Variants in PCDH15 observed in about 807,000 individuals in gnomAD.
PCDH15 encodes protocadherin-15.
Under a neutral mutation model 178.5 loss-of-function variants are expected in PCDH15, and 129 were observed. The observed-to-expected ratio is 0.72, with a 90% CI of 0.63 to 0.84. The LOEUF is 0.84. PCDH15 is among the 40% of genes least tolerant of loss of function. PCDH15 has a pLI of 0.00. For synonymous variants in PCDH15, 800 were observed against 732.0 expected (o/e 1.09, Z -1.50); for missense variants, 2,230 against 2,099.9 (o/e 1.06, Z -1.21).
At chr10:55,551,500 T>C (rs1022491388) in intron 2 of PCDH15, among the ~76,000 whole-genome samples, 6 of 151,868 alleles carry the variant, frequency 4.0e-5, no homozygotes, top group African/African-American at 1.4e-4. Flanking sequence ...TAAGTAGTAA[T>C]TTGTCAATTT....
chr10:55,241,740 G>A (rs1841547809), intron 1 of PCDH15, among the ~76,000 whole-genome samples: 2 of 151,980 alleles, frequency 1.3e-5, no homozygotes, highest in Admixed American at 1.3e-4. Context: ...TTAATTTCTG[G>A]ACCTTCTCAT....
intron 2 of PCDH15, among the ~76,000 whole-genome samples, chr10:55,546,849 A>C (rs182571737): frequency 1.3e-5 from 2 of 152,282 alleles, no homozygotes; most frequent in African/African-American, 2.4e-5. Flanking sequence ...AATAACAAGA[A>C]AATTTTTGGG....
chr10:55,249,837 G>GT (rs1841787310), intron 1 of PCDH15, among the ~76,000 whole-genome samples: 1 of 151,674 alleles, frequency 6.6e-6, no homozygotes, highest in Non-Finnish European at 1.5e-5. Context: ...ATTATGTCAT[G>GT]TTTTTTCTGG....
intron 6 of PCDH15, among the ~76,000 whole-genome samples, chr10:54,343,763 T>G (rs2134119920): frequency 6.6e-6 from 1 of 151,930 alleles, no homozygotes; most frequent in Admixed American, 6.6e-5. Flanking sequence ...ACCCGCACGT[T>G]GTGCACATGT....
intron 2 of PCDH15, among the ~76,000 whole-genome samples, chr10:54,640,207 A>G (rs2093958150): frequency 6.6e-6 from 1 of 152,194 alleles, no homozygotes; most frequent in African/African-American, 2.4e-5. Context: ...GTTATTTTGC[A>G]TATTTAAACA....
chr10:55,360,009 AT>A (rs1845190251), intron 2 of PCDH15, among the ~76,000 whole-genome samples: 1 of 151,806 alleles, frequency 6.6e-6, no homozygotes, highest in Admixed American at 6.6e-5. Context: ...ATGAAGACAC[AT>A]TGGTTAAAGG....
At chr10:54,754,630 CATT>C (rs1277311239) in intron 1 of PCDH15, among the ~76,000 whole-genome samples, 5 of 151,928 alleles carry the variant, frequency 3.3e-5, no homozygotes, top group Non-Finnish European at 5.9e-5. Context: ...TAATTATTAT[CATT>C]ATTTTTTCAA....
chr10:54,664,909 TAAA>T (rs759609948), intron 1 of PCDH15, among the ~76,000 whole-genome samples: 15 of 126,288 alleles, frequency 1.2e-4, no homozygotes, highest in Admixed American at 3.3e-4. Flanking sequence ...CCCAGCAAGT[TAAA>T]AAAAAAAAAA....
At chr10:54,846,455 T>A (rs544096706) in intron 3 of PCDH15, among the ~76,000 whole-genome samples, 1 of 152,270 alleles carries the variant, frequency 6.6e-6, no homozygotes, top group South Asian at 2.1e-4. Context: ...TCTTTTATAT[T>A]AGGGCCTGAT....
At chr10:53,820,126 A>G (rs983048232) in intron 33 of PCDH15, 39 bp downstream of exon 33, 7 of 397,104 alleles carry the variant, frequency 1.8e-5, no homozygotes, top group African/African-American at 1.4e-4. Flanking sequence ...AGCTTAGAAA[A>G]GACACACTCA....
intron 37 of PCDH15, chr10:53,808,396 T>A: frequency 9.4e-7 from 1 of 1,068,270 alleles, no homozygotes; most frequent in Non-Finnish European, 1.1e-6. Context: ...TAATACATAA[T>A]GCCACATTGC....
chr10:55,157,217 C>G (rs1425790771), intron 2 of PCDH15, among the ~76,000 whole-genome samples: 2 of 152,030 alleles, frequency 1.3e-5, no homozygotes, highest in Admixed American at 1.3e-4. Context: ...CTCATCATCA[C>G]TGGCCATCAG....
chr10:54,893,302 AC>A (rs1954494633), intron 3 of PCDH15, among the ~76,000 whole-genome samples: 1 of 152,274 alleles, frequency 6.6e-6, no homozygotes, highest in South Asian at 2.1e-4. Flanking sequence ...ATTATAATGC[AC>A]TGAAAATGAG....
intron 23 of PCDH15, among the ~76,000 whole-genome samples, chr10:53,954,130 G>C (rs947230470): frequency 6.6e-6 from 1 of 152,168 alleles, no homozygotes; most frequent in Non-Finnish European, 1.5e-5. Context: ...CAGAGGCAGA[G>C]CATGATTAAC....
At chr10:54,948,155 G>A (rs1838237822) in intron 2 of PCDH15, among the ~76,000 whole-genome samples, 2 of 151,926 alleles carry the variant, frequency 1.3e-5, no homozygotes, top group African/African-American at 4.8e-5. Context: ...TGTAGCATAT[G>A]CAAGTTGATT....
chr10:55,374,799 C>T (rs553072536), intron 2 of PCDH15, among the ~76,000 whole-genome samples: 20 of 151,866 alleles, frequency 1.3e-4, no homozygotes, highest in African/African-American at 3.4e-4. Flanking sequence ...GAGTGATGCA[C>T]GGCAGCCATT....
At chr10:53,959,325 C>A (rs1361344021) in intron 23 of PCDH15, among the ~76,000 whole-genome samples, 1 of 151,348 alleles carries the variant, frequency 6.6e-6, no homozygotes, top group Admixed American at 6.6e-5. Context: ...CACACATACA[C>A]ACATACACAC....
At chr10:54,243,501 A>C (rs146013510) in intron 8 of PCDH15, among the ~76,000 whole-genome samples, 8,188 of 152,118 alleles carry the variant, frequency 0.054, 576 homozygotes, top group African/African-American at 0.16. Flanking sequence ...AGCAAGACTC[A>C]GCGTCAAAAA....
rs71007805 is a variant in PCDH15, at chr10:54,049,624, A to ATTT, written c.2220+17130_2220+17132dup. The stretch of plus-strand genomic sequence containing the variant: ...AGCTTTTTCTGCATCTATTGTGATG[A>ATTT]TTTTTTTTTTTTTTGAGACGGAGTC... On this transcript the variant is annotated intron_variant, in intron 18 of 37. Transcript: ENST00000644397. Among the ~76,000 whole-genome samples, 74 of 147,022 alleles carry ATTT rather than the reference A, an allele frequency of 5.0e-4. No homozygotes were observed. In the East Asian group the frequency reaches 7.1e-3, roughly 14 times the overall value.
Sources: gnomAD v4.1 joint callset for allele counts (sites outside exome capture counted in the v4.1 genomes callset) on GRCh38, gnomAD v4.1.1 for gene constraint, MANE v1.5 for transcripts, NCBI Gene and HGNC (gene_info 2026-07-23, HGNC 2026-07-21) for gene names.